DPT: variants seen among roughly 807,000 people sequenced by gnomAD.
DPT encodes the protein dermatopontin.
A neutral mutation model predicts 31.2 loss-of-function variants in DPT; 21 were observed. That is an observed-to-expected ratio of 0.67 (90% CI 0.48 to 0.97). The LOEUF (loss-of-function observed/expected upper bound fraction) is 0.97, where lower values mean the gene tolerates loss of function less well. DPT is among the 50% of genes least tolerant of loss of function. The pLI is 0.00. For synonymous variants in DPT, 91 were observed against 86.9 expected, an observed-to-expected ratio of 1.05 and a Z score of -0.26; for missense variants, 262 against 258.8, an observed-to-expected ratio of 1.01 and a Z score of -0.08.
intron 2 of DPT, among the ~76,000 whole-genome samples, chr1:168,704,580 TGGTGTGTGTGTGG>T (rs1003779956): frequency 6.8e-6 from 1 of 148,060 alleles, no homozygotes; most frequent in African/African-American, 2.6e-5. Flanking sequence ...GCAAAACTAC[TGGTGTGTGTGTGG>T]GGTGTGTGTG....
At position 168,696,167 on chromosome 1, in the gene DPT, G is replaced by A. The variant is rs1266250712; in HGVS notation, c.*382C>T. The A allele has an allele frequency of 2.4e-6, 1 of 419,652 alleles. No homozygotes were observed. The allele number at this position is 419,652 out of a possible 1,614,324, so 26.0% of individuals were successfully genotyped here. A position where few individuals can be genotyped will look rare whatever the true frequency, so the allele number is the denominator to read the frequency against. On this transcript the variant is annotated 3_prime_UTR_variant, in exon 4 of 4. Transcript: ENST00000367817. ...GAACCTTCACTGCACCTCTCCTCCAGTTCTGCCTCTCCCCTCCACTATGCT... is the reference window on the plus strand; with the variant it reads ...GAACCTTCACTGCACCTCTCCTCCAATTCTGCCTCTCCCCTCCACTATGCT...
Position 168,696,403 on chromosome 1 carries a change from G to A in DPT, c.*146C>T. ...GTGTGATACTAGTCAGAAAGGCCCA[G>A]GAAGTTGGCATTGCAGTTACCAGCT... On this transcript the variant is annotated 3_prime_UTR_variant, in exon 4 of 4. Coordinates refer to ENST00000367817, the MANE Select transcript of DPT (RefSeq NM_001937.5). The A allele has an allele frequency of 3.1e-6, 2 of 639,390 alleles. No individual in the cohort carries two copies. The highest frequency in any genetic ancestry group is 5.5e-6 in the Non-Finnish European group (2 of 365,678). 39.6% of individuals were successfully genotyped at this position (639,390 alleles called of 1,614,324 possible). A position where few individuals can be genotyped will look rare whatever the true frequency, so the allele number is the denominator to read the frequency against.
chr1:168,699,105 CAG>C (rs1272171348), intron 3 of DPT, among the ~76,000 whole-genome samples: 9 of 152,252 alleles, frequency 5.9e-5, no homozygotes, highest in African/African-American at 1.9e-4. Context: ...TTTAACTACT[CAG>C]ATATATTTAT....
intron 3 of DPT, among the ~76,000 whole-genome samples, chr1:168,697,941 T>G (rs1649500477): frequency 6.6e-6 from 1 of 152,234 alleles, no homozygotes. Flanking sequence ...CCATGCCCTT[T>G]GCACAGTCCT....
intron 2 of DPT, among the ~76,000 whole-genome samples, chr1:168,709,951 G>A (rs1007686752): frequency 7.2e-5 from 11 of 152,188 alleles, no homozygotes; most frequent in Non-Finnish European, 1.0e-4. Context: ...ATCAATGTCA[G>A]GTTTCACCAT....
At chr1:168,701,896 A>C (rs1221443585) in intron 2 of DPT, among the ~76,000 whole-genome samples, 1 of 152,244 alleles carries the variant, frequency 6.6e-6, no homozygotes, top group Non-Finnish European at 1.5e-5. Flanking sequence ...ATGAGTGATG[A>C]GTGTGCTATA....
At chr1:168,705,519 G>A (rs73030396) in intron 2 of DPT, among the ~76,000 whole-genome samples, 2,107 of 152,170 alleles carry the variant, frequency 0.014, 52 homozygotes, top group African/African-American at 0.049. Context: ...AGATCAGAAC[G>A]GGTACCTGAG....
chr1:168,703,813 C>A (rs183740724), intron 2 of DPT, among the ~76,000 whole-genome samples: 1 of 152,246 alleles, frequency 6.6e-6, no homozygotes, highest in African/African-American at 2.4e-5. Context: ...GTGAACCTCC[C>A]AAACACCATC....
rs1168283356 is a variant in DPT, at chr1:168,696,212, C to T, written c.*337G>A. On this transcript the variant is annotated 3_prime_UTR_variant, in exon 4 of 4. Transcript: ENST00000367817. ...TATGCTGAACTTGCAGTTCATTCTGCAGTAAAAAGCAGTAGCCAGGCTGCA... is the reference window on the plus strand; with the variant it reads ...TATGCTGAACTTGCAGTTCATTCTGTAGTAAAAAGCAGTAGCCAGGCTGCA... 1 of 430,118 alleles carries T rather than the reference C, an allele frequency of 2.3e-6. No individual in the cohort carries two copies. The highest frequency in any genetic ancestry group is 8.3e-5 in the South Asian group (1 of 12,038). 26.6% of individuals were successfully genotyped at this position (430,118 alleles called of 1,614,324 possible). A position where few individuals can be genotyped will look rare whatever the true frequency, so the allele number is the denominator to read the frequency against.
At chr1:168,727,516 A>G (rs1206251969) in intron 1 of DPT, among the ~76,000 whole-genome samples, 1 of 146,548 alleles carries the variant, frequency 6.8e-6, no homozygotes, top group African/African-American at 2.5e-5. Flanking sequence ...CCAGGGTTCT[A>G]TGCTTTTTCT....
intron 1 of DPT, among the ~76,000 whole-genome samples, chr1:168,721,855 C>G (rs756432712): frequency 4.6e-5 from 7 of 152,224 alleles, no homozygotes; most frequent in Non-Finnish European, 7.3e-5. Flanking sequence ...ACATTCTGCT[C>G]TCTTCCTGCC....
At chr1:168,716,896 A>G (rs590875) in intron 1 of DPT, among the ~76,000 whole-genome samples, 1 of 152,012 alleles carries the variant, frequency 6.6e-6, no homozygotes. Context: ...ATTCATTTTT[A>G]TGGCTACATA....
intron 1 of DPT, among the ~76,000 whole-genome samples, chr1:168,726,299 T>C (rs981676798): frequency 6.6e-6 from 1 of 152,242 alleles, no homozygotes; most frequent in Non-Finnish European, 1.5e-5. Context: ...TTTCACCTTC[T>C]TCCTCTTTTG....
chr1:168,696,683 G>C, intron 3 of DPT, 68 bp from the exon 4 acceptor site: 2 of 1,363,728 alleles, frequency 1.5e-6, no homozygotes, highest in Non-Finnish European at 2.1e-6. Flanking sequence ...TCGCTGCTGG[G>C]GAAACAGCAG....
intron 2 of DPT, among the ~76,000 whole-genome samples, chr1:168,706,219 T>C (rs551399034): frequency 3.9e-5 from 6 of 152,092 alleles, no homozygotes; most frequent in African/African-American, 1.2e-4. Flanking sequence ...CAGAGGTGGG[T>C]TTGGAGGAGA....
chr1:168,699,515 A>T (rs985981081), intron 3 of DPT, among the ~76,000 whole-genome samples: 2 of 151,918 alleles, frequency 1.3e-5, no homozygotes, highest in South Asian at 4.2e-4. Flanking sequence ...TGGTTTGCCT[A>T]TGGGTAAACA....
At chr1:168,704,536 G>GA (rs1409367733) in intron 2 of DPT, among the ~76,000 whole-genome samples, 1 of 152,290 alleles carries the variant, frequency 6.6e-6, no homozygotes, top group East Asian at 1.9e-4. Context: ...GACAGAGCGA[G>GA]ACTCCGTCTC....
intron 2 of DPT, among the ~76,000 whole-genome samples, chr1:168,703,998 A>T (rs1226218911): frequency 1.3e-5 from 2 of 152,246 alleles, no homozygotes; most frequent in Non-Finnish European, 2.9e-5. Flanking sequence ...TTAGAGAGAA[A>T]AAAGAATTTA....
chr1:168,712,107 G>A (rs1316664533), intron 2 of DPT, among the ~76,000 whole-genome samples: 4 of 152,168 alleles, frequency 2.6e-5, no homozygotes, highest in Admixed American at 6.5e-5. Flanking sequence ...ACTATACTGG[G>A]CATTGAAAAT....
Sources: allele counts gnomAD v4.1 joint callset (sites outside exome capture counted in the v4.1 genomes callset), GRCh38; gene constraint gnomAD v4.1.1; transcripts MANE v1.5; gene names NCBI Gene and HGNC (gene_info 2026-07-23, HGNC 2026-07-21).